ADGRF3: variants seen among roughly 807,000 people sequenced by gnomAD.
ADGRF3 encodes adhesion G protein-coupled receptor F3.
In ADGRF3, 85 loss-of-function variants were observed where a neutral mutation model predicts 93.2. The ratio of observed to expected loss-of-function variants is 0.91; its 90% confidence interval spans 0.77 to 1.09. ADGRF3 has a LOEUF of 1.09. Ranked by LOEUF, ADGRF3 falls within the 50% of genes least tolerant of loss-of-function variation. The pLI, the probability that ADGRF3 is intolerant of heterozygous loss-of-function variation, is 0.00. For missense variants in ADGRF3, 1,125 were observed against 1,246.2 expected (o/e 0.90, Z 1.46); for synonymous variants, 534 against 532.5 (o/e 1.00, Z -0.04).
At chr2:26,316,814 A>G (rs1649309163) in intron 3 of ADGRF3, 98 bp downstream of exon 3, 17 of 1,349,914 alleles carry the variant, frequency 1.3e-5, no homozygotes, top group Non-Finnish European at 1.7e-5. Flanking sequence ...TCCTCCAGGA[A>G]ATACAGAGGG....
intron 1 of ADGRF3, among the ~76,000 whole-genome samples, chr2:26,344,131 C>G (rs944218676): frequency 1.3e-5 from 2 of 152,076 alleles, no homozygotes; most frequent in African/African-American, 4.8e-5. Flanking sequence ...CTAAGTTTTA[C>G]AAGTATGAAG....
chr2:26,333,310 A>G (rs2147915134), intron 1 of ADGRF3, among the ~76,000 whole-genome samples: 1 of 150,920 alleles, frequency 6.6e-6, no homozygotes, highest in South Asian at 2.1e-4. Flanking sequence ...AGTTGGTATT[A>G]TGATATAGGT....
intron 1 of ADGRF3, among the ~76,000 whole-genome samples, chr2:26,345,514 A>T (rs1676662791): frequency 1.3e-5 from 2 of 152,144 alleles, no homozygotes; most frequent in Non-Finnish European, 2.9e-5. Flanking sequence ...ATGTCCTTTC[A>T]CCTGTCTTTC....
At chr2:26,336,555 G>A (rs1676050592) in intron 1 of ADGRF3, among the ~76,000 whole-genome samples, 1 of 151,646 alleles carries the variant, frequency 6.6e-6, no homozygotes, top group Admixed American at 6.6e-5. Flanking sequence ...GCAAAACCCT[G>A]TCTCTACTAA....
intron 3 of ADGRF3, 113 bp from the exon 4 acceptor site, chr2:26,316,561 C>A: frequency 9.1e-7 from 1 of 1,099,264 alleles, no homozygotes; most frequent in Non-Finnish European, 1.3e-6. Context: ...CTGGACCAAT[C>A]CCCAAGCTAC....
intron 1 of ADGRF3, among the ~76,000 whole-genome samples, chr2:26,333,245 G>C (rs372897084): frequency 1.5e-4 from 22 of 151,602 alleles, no homozygotes; most frequent in African/African-American, 5.3e-4. Flanking sequence ...GAACACTCAA[G>C]TTAATCCCTT....
chr2:26,315,557 G>A lies in ADGRF3; in HGVS notation c.683C>T (p.Ala228Val). 2 of 1,551,474 alleles carry A rather than the reference G, an allele frequency of 1.3e-6. No homozygotes were observed. The highest frequency in any genetic ancestry group is 2.4e-5 in the East Asian group (1 of 40,918). Reference sequence around the variant, plus strand: ...ATGGGACATGTTGGAGACGCTGAGGGCAGCCTGGCCGTGGCTGGAAGTCAC... The same window carrying A: ...ATGGGACATGTTGGAGACGCTGAGGACAGCCTGGCCGTGGCTGGAAGTCAC... ...VSVTSSHGQA[A>V]LSVSNMSHHW... Residue 228 changes from alanine (A) to valine (V), a missense_variant, in exon 5 of 14, where the codon GCC becomes GTC. Transcript: ENST00000651242.
chr2:26,318,873 T>C, intron 1 of ADGRF3: 1 of 1,545,380 alleles, frequency 6.5e-7, no homozygotes, highest in Non-Finnish European at 8.8e-7. Flanking sequence ...CCCCACTACC[T>C]ATCCTTTCAT....
rs368507553 is a variant in ADGRF3 at position 26,315,691 on chromosome 2, C to T, written c.549G>A (p.Thr183=). Residue 183 remains threonine, a synonymous_variant, in exon 5 of 14, where the codon ACG becomes ACA. Coordinates refer to ENST00000651242, the MANE Select transcript of ADGRF3 (RefSeq NM_001321971.2). Reference sequence around the variant, plus strand: ...GGCTCAGATGGAGAGTCAGGCTCAGCGTGTCACCAGGCATCTGCAGCTGGG... The same window carrying T: ...GGCTCAGATGGAGAGTCAGGCTCAGTGTGTCACCAGGCATCTGCAGCTGGG... ...LNSQLQMPGD[T]LSLTLHLSQE... The T allele has an allele frequency of 3.9e-5, 61 of 1,551,500 alleles. No homozygotes were observed. The highest frequency in any genetic ancestry group is 3.7e-4 in the African/African-American group (27 of 73,120).
chr2:26,311,995 C>T lies in ADGRF3; in HGVS notation c.1529G>A (p.Trp510Ter). 6.2e-7 allele frequency: 1 copy of T among 1,613,420 alleles called. No homozygotes were observed. Among genetic ancestry groups the T allele is most frequent in the African/African-American group, 1.3e-5 (1 of 75,050 alleles). ...AGCCAGCAGGAGAGTCGAGCCTGCC[C>T]AGGGCTTCCGGGCTTGGGCCAGGGT... ...LWTLAQARKP[W>*]AGSTLLLAVE... The change falls in exon 10 of 14, where the codon TGG (tryptophan) becomes TAG (stop). Residue 510 changes from tryptophan (W) to a stop codon, truncating the protein, a stop_gained. Coordinates refer to ENST00000651242, the MANE Select transcript of ADGRF3 (RefSeq NM_001321971.2). LOFTEE classifies it high-confidence loss of function.
chr2:26,309,861 T>G, intron 12 of ADGRF3, 182 bp downstream of exon 12: 1 of 1,408,222 alleles, frequency 7.1e-7, no homozygotes, highest in South Asian at 1.3e-5. Context: ...TGATCCTGAC[T>G]GCTCTGACCA....
chr2:26,342,106 T>G (rs1173749581), intron 1 of ADGRF3, among the ~76,000 whole-genome samples: 2 of 150,824 alleles, frequency 1.3e-5, no homozygotes, highest in Non-Finnish European at 3.0e-5. Context: ...ATTTTTTTTT[T>G]TTAATATCTT....
In ADGRF3 at chr2:26,308,734, T is replaced by C. The variant is rs943761919; in HGVS notation, c.*352A>G. ...TGAATAGGTCAATTAAAACCATTTT[T>C]ATCAAATATATTCATTCACAACATG... On this transcript the variant is annotated 3_prime_UTR_variant, in exon 14 of 14. Transcript: ENST00000651242. 4.2e-6 allele frequency: 1 copy of C among 237,810 alleles called. No homozygotes were observed. Among genetic ancestry groups the C allele is most frequent in the Non-Finnish European group, 8.1e-6 (1 of 123,986 alleles). The allele number at this position is 237,810 out of a possible 1,614,324, so 14.7% of individuals were successfully genotyped here. A position where few individuals can be genotyped will look rare whatever the true frequency, so the allele number is the denominator to read the frequency against.
chr2:26,311,222 G>A lies in ADGRF3; in HGVS notation c.2302C>T (p.Pro768Ser). The change falls in exon 10 of 14, where the codon CCC becomes TCC. Residue 768 changes from proline (P) to serine (S), a missense_variant. Coordinates refer to ENST00000651242, the MANE Select transcript of ADGRF3 (RefSeq NM_001321971.2). ...FLGAPFLSPG[P>S]RSPLCLAAAF... ...GCAGCAAGGCAGAGCGGGCTTCGGGGCCCTGGAGAGAGGAATGGGGCGCCC... is the reference window on the plus strand; with the variant it reads ...GCAGCAAGGCAGAGCGGGCTTCGGGACCCTGGAGAGAGGAATGGGGCGCCC... 2 of 1,605,814 alleles carry A rather than the reference G, an allele frequency of 1.2e-6. No homozygotes were observed. The highest frequency in any genetic ancestry group is 1.7e-6 in the Non-Finnish European group (2 of 1,176,326).
chr2:26,339,065 A>T (rs1676217928), intron 1 of ADGRF3, among the ~76,000 whole-genome samples: 1 of 146,718 alleles, frequency 6.8e-6, no homozygotes, highest in African/African-American at 2.5e-5. Context: ...CAGTGAGCCA[A>T]GATTGCGCCA....
At chr2:26,317,376 C>A in intron 2 of ADGRF3, 120 bp downstream of exon 2, 1 of 948,216 alleles carries the variant, frequency 1.1e-6, no homozygotes, top group South Asian at 1.6e-5. Context: ...AGAGCCAGTC[C>A]TCTCTCTCCG....
chr2:26,337,110 A>G (rs967773462), intron 1 of ADGRF3, among the ~76,000 whole-genome samples: 11 of 152,208 alleles, frequency 7.2e-5, no homozygotes, highest in African/African-American at 2.4e-4. Context: ...GCTAATCTGA[A>G]GTGGTAGATT....
chr2:26,325,285 AT>A (rs1346280589), intron 1 of ADGRF3, among the ~76,000 whole-genome samples: 1 of 152,248 alleles, frequency 6.6e-6, no homozygotes, highest in Non-Finnish European at 1.5e-5. Context: ...ATGCTATAAA[AT>A]TACTTATCTG....
chr2:26,336,335 TGA>T (rs1491089088), intron 1 of ADGRF3, among the ~76,000 whole-genome samples: 17 of 151,314 alleles, frequency 1.1e-4, no homozygotes, highest in African/African-American at 4.1e-4. Flanking sequence ...TGTGTGTGTG[TGA>T]GTGTGTGTTT....
Sources: allele counts gnomAD v4.1 joint callset (sites outside exome capture counted in the v4.1 genomes callset), GRCh38; gene constraint gnomAD v4.1.1; transcripts MANE v1.5; gene names NCBI Gene and HGNC (gene_info 2026-07-23, HGNC 2026-07-21).